STX3: variants seen among roughly 807,000 people sequenced by gnomAD.
STX3 encodes syntaxin 3.
STX3 carries 19 observed loss-of-function variants against 40.2 expected under a neutral mutation model. The observed-to-expected ratio is 0.47, with a 90% CI of 0.33 to 0.69. The LOEUF (loss-of-function observed/expected upper bound fraction) is 0.69, where lower values mean the gene tolerates loss of function less well. STX3 is among the 30% of genes least tolerant of loss of function. STX3 has a pLI of 0.02. For synonymous variants in STX3, 122 were observed against 132.2 expected (o/e 0.92, Z 0.53); for missense variants, 364 against 366.7 (o/e 0.99, Z 0.06).
chr11:59,794,502 T>TC (rs1172848933), intron 8 of STX3, among the ~76,000 whole-genome samples: 14 of 152,218 alleles, frequency 9.2e-5, no homozygotes, highest in South Asian at 4.2e-4. Context: ...CTGGATGCTT[T>TC]CCCCCCATTC....
intron 4 of STX3, 146 bp from the exon 5 acceptor site, chr11:59,790,373 A>T: frequency 3.1e-6 from 2 of 655,264 alleles, no homozygotes; most frequent in Admixed American, 4.8e-5. Context: ...CCTGTGGCTC[A>T]TCTGGGAGCT....
intron 9 of STX3, among the ~76,000 whole-genome samples, chr11:59,795,962 T>C (rs1170917705): frequency 2.6e-5 from 4 of 152,182 alleles, no homozygotes; most frequent in African/African-American, 9.7e-5. Flanking sequence ...GATGGATGCA[T>C]GGCCCAGGTG....
chr11:59,755,446 C>T lies in STX3; in HGVS notation c.-160C>T. 1 of 764,064 alleles carries T rather than the reference C, an allele frequency of 1.3e-6. No homozygotes were observed. Among genetic ancestry groups the T allele is most frequent in the Non-Finnish European group, 1.9e-6 (1 of 534,914 alleles). 47.3% of individuals were successfully genotyped at this position (764,064 alleles called of 1,614,324 possible). On this transcript the variant is annotated 5_prime_UTR_variant, in exon 1 of 11. Transcript: ENST00000337979. Reference sequence around the variant, plus strand: ...GCGGAGGCTCCCGTGGCCTCGGACGCTCCTCCTAGCTAGCGGCCGCCGCCC... The same window carrying T: ...GCGGAGGCTCCCGTGGCCTCGGACGTTCCTCCTAGCTAGCGGCCGCCGCCC...
chr11:59,771,018 A>G (rs10501380), intron 1 of STX3, among the ~76,000 whole-genome samples: 14,293 of 152,104 alleles, frequency 0.094, 920 homozygotes, highest in African/African-American at 0.18. Flanking sequence ...TTCACAATTC[A>G]GATTCCTCAG....
chr11:59,773,340 A>C (rs373019989), intron 2 of STX3, 46 bp downstream of exon 2: 34 of 1,587,312 alleles, frequency 2.1e-5, no homozygotes, highest in Non-Finnish European at 2.8e-5. Flanking sequence ...ATAAGGAAAC[A>C]CTATTTCCTT....
chr11:59,763,035 G>T (rs1466007229), intron 1 of STX3, among the ~76,000 whole-genome samples: 1 of 152,166 alleles, frequency 6.6e-6, no homozygotes, highest in Non-Finnish European at 1.5e-5. Flanking sequence ...GTAATTCCTT[G>T]GGCTAAAGCA....
At chr11:59,783,241 C>T (rs1565179292) in intron 2 of STX3, among the ~76,000 whole-genome samples, 1 of 152,152 alleles carries the variant, frequency 6.6e-6, no homozygotes, top group Non-Finnish European at 1.5e-5. Context: ...ATTGAACATG[C>T]ACATTAACCT....
chr11:59,778,503 A>G (rs1481814925), intron 2 of STX3, among the ~76,000 whole-genome samples: 1 of 152,184 alleles, frequency 6.6e-6, no homozygotes, highest in East Asian at 1.9e-4. Context: ...GGGGCTGGCA[A>G]TGCCACTACC....
chr11:59,773,422 G>C (rs1254103943), intron 2 of STX3, 128 bp downstream of exon 2: 1 of 758,844 alleles, frequency 1.3e-6, no homozygotes, highest in Non-Finnish European at 2.2e-6. Context: ...GGGTGGGATG[G>C]CCAGACAAAG....
At chr11:59,759,887 A>C (rs1292539854) in intron 1 of STX3, among the ~76,000 whole-genome samples, 1 of 152,196 alleles carries the variant, frequency 6.6e-6, no homozygotes, top group Non-Finnish European at 1.5e-5. Flanking sequence ...ATAAATATTT[A>C]TCGAGCCGCT....
Position 59,804,103 on chromosome 11 carries a change from G to C in STX3, c.*3279G>C, listed in dbSNP as rs75693737. On this transcript the variant is annotated 3_prime_UTR_variant, in exon 11 of 11. Transcript: ENST00000337979. The stretch of plus-strand genomic sequence containing the variant: ...GGACTGCAGGGTAGAGAAGCAAGCA[G>C]AGTGGGCGCCTCTTTAGGAAGTGAC... 9,772 of 152,348 alleles carry C rather than the reference G, an allele frequency of 0.064. 655 individuals are homozygous for C. Among genetic ancestry groups the C allele is most frequent in the African/African-American group, 0.16 (6,768 of 41,524 alleles). The allele number at this position is 152,348 out of a possible 1,614,324, so 9.4% of individuals were successfully genotyped here. A position where few individuals can be genotyped will look rare whatever the true frequency, so the allele number is the denominator to read the frequency against.
At chr11:59,800,733 T>C in intron 10 of STX3, 122 bp from the exon 11 acceptor site, 1 of 1,503,996 alleles carries the variant, frequency 6.6e-7, no homozygotes, top group Admixed American at 2.1e-5. Flanking sequence ...GTCCTGGGTT[T>C]GTCTATTTCA....
chr11:59,802,266 A>G lies in STX3; in HGVS notation c.*1442A>G. On this transcript the variant is annotated 3_prime_UTR_variant, in exon 11 of 11. Coordinates refer to ENST00000337979, the MANE Select transcript of STX3 (RefSeq NM_004177.5). ...CAGCAGCAGCCGCTAGGAAATCTTC[A>G]AGTGTAGTGTCTGTGCTAACCCAGT... The G allele has an allele frequency of 1.0e-6, 1 of 985,480 alleles. No individual in the cohort carries two copies. The allele number at this position is 985,480 out of a possible 1,614,324, so 61.0% of individuals were successfully genotyped here.
Position 59,801,880 on chromosome 11 carries a change from C to A in STX3, c.*1056C>A, listed in dbSNP as rs1405189377. The A allele has an allele frequency of 5.1e-6, 5 of 984,832 alleles. No homozygotes were observed. In the African/African-American group the frequency reaches 5.3e-5, roughly 10 times the overall value. The allele number at this position is 984,832 out of a possible 1,614,324, so 61.0% of individuals were successfully genotyped here. ...AAATTGGGTAAAGGACATTTGCTTA[C>A]CTGCAAATGAATCACTGTGGAAATG... On this transcript the variant is annotated 3_prime_UTR_variant, in exon 11 of 11. Transcript: ENST00000337979.
intron 1 of STX3, among the ~76,000 whole-genome samples, chr11:59,761,549 G>C (rs780438097): frequency 2.0e-5 from 3 of 152,206 alleles, no homozygotes; most frequent in Non-Finnish European, 4.4e-5. Context: ...GGGATATTCT[G>C]TAAATTTATT....
intron 2 of STX3, among the ~76,000 whole-genome samples, chr11:59,775,502 T>TC (rs1028875790): frequency 2.0e-5 from 3 of 152,202 alleles, no homozygotes; most frequent in African/African-American, 7.2e-5. Flanking sequence ...AGTCAGAGGG[T>TC]CCCTGAGAGG....
chr11:59,774,695 GTGGTGGGCACC>G (rs1371655791), intron 2 of STX3, among the ~76,000 whole-genome samples: 30 of 152,072 alleles, frequency 2.0e-4, no homozygotes, highest in African/African-American at 6.8e-4. Flanking sequence ...GCTGGGTGTG[GTGGTGGGCACC>G]TGTAATCCCA....
intron 9 of STX3, 180 bp downstream of exon 9, chr11:59,795,662 G>T: frequency 6.5e-7 from 1 of 1,537,396 alleles, no homozygotes; most frequent in South Asian, 1.2e-5. Context: ...TGTGGAGCGG[G>T]CCGTGGCAGA....
At chr11:59,792,246 C>T in intron 6 of STX3, 31 bp downstream of exon 6, 1 of 1,584,872 alleles carries the variant, frequency 6.3e-7, no homozygotes, top group Non-Finnish European at 8.6e-7. Context: ...GTGTGCCCTC[C>T]ACCTTTCCTG....
Sources: gnomAD v4.1 joint callset for allele counts (sites outside exome capture counted in the v4.1 genomes callset) on GRCh38, gnomAD v4.1.1 for gene constraint, MANE v1.5 for transcripts, NCBI Gene and HGNC (gene_info 2026-07-23, HGNC 2026-07-21) for gene names.